The following PTPN22 variants were observed in gnomAD, a reference collection of about 807,000 sequenced individuals.
PTPN22 encodes the protein tyrosine-protein phosphatase non-receptor type 22.
In PTPN22, 85 loss-of-function variants were observed where a neutral mutation model predicts 103.3. The observed-to-expected ratio is 0.82, with a 90% confidence interval of 0.69 to 0.99. PTPN22 has a LOEUF of 0.99. Ranked by LOEUF, PTPN22 falls within the 50% of genes least tolerant of loss-of-function variation. The pLI is 0.00. For synonymous variants in PTPN22, 323 were observed against 310.2 expected (o/e 1.04, Z -0.43); for missense variants, 865 against 936.9 (o/e 0.92, Z 1.00).
Position 113,814,692 on chromosome 1 carries a change from T to C in PTPN22, c.*213A>G, listed in dbSNP as rs532296161. On this transcript the variant is annotated 3_prime_UTR_variant, in exon 21 of 21. Transcript: ENST00000359785. Reference sequence around the variant, plus strand: ...TGTACATAAGCTCAAGTGACAAACTTTTATTTGCAGTTTTCAACTCAATGC... The same window carrying C: ...TGTACATAAGCTCAAGTGACAAACTCTTATTTGCAGTTTTCAACTCAATGC... 1.2e-5 allele frequency: 6 copies of C among 519,628 alleles called. No homozygotes were observed. In the East Asian group the frequency reaches 1.7e-4, roughly 15 times the overall value. The allele number at this position is 519,628 out of a possible 1,614,324, so 32.2% of individuals were successfully genotyped here. A position where few individuals can be genotyped will look rare whatever the true frequency, so the allele number is the denominator to read the frequency against.
intron 1 of PTPN22, among the ~76,000 whole-genome samples, chr1:113,867,384 C>T (rs970549135): frequency 2.0e-5 from 3 of 152,100 alleles, no homozygotes; most frequent in African/African-American, 7.2e-5. Context: ...GCTGAGTGAG[C>T]TTAGGCCAAT....
chr1:113,838,652 C>T, intron 11 of PTPN22, 32 bp from the exon 12 acceptor site: 1 of 1,598,532 alleles, frequency 6.3e-7, no homozygotes. Flanking sequence ...GGCTGGTTTT[C>T]AGTGAAGCAA....
chr1:113,856,728 C>T (rs907149750), intron 5 of PTPN22, 109 bp from the exon 6 acceptor site: 108 of 1,434,390 alleles, frequency 7.5e-5, no homozygotes, highest in Non-Finnish European at 9.5e-5. Context: ...AGGTTAGGTG[C>T]GTCTAACCCC....
At chr1:113,837,970 T>A in exon 13 of PTPN22, 1 of 1,614,116 alleles carries the variant, frequency 6.2e-7, no homozygotes, top group Non-Finnish European at 8.5e-7. Context: ...ACAAGAATCA[T>A]GTGGTTGAGA....
intron 18 of PTPN22, among the ~76,000 whole-genome samples, chr1:113,828,618 T>C (rs17463292): frequency 0.16 from 23,640 of 152,138 alleles, 2,083 homozygotes; most frequent in East Asian, 0.23. Flanking sequence ...TATGTTTCTT[T>C]TTATACACTA....
In PTPN22 at chr1:113,843,930, G is replaced by C. The variant is rs371355903; in HGVS notation, c.915+4610C>G. On this transcript the variant is annotated intron_variant, in intron 11 of 20. Coordinates refer to ENST00000359785, the Ensembl canonical transcript of PTPN22. ...GAGTAAATTGTGGTAGATTGTGTTT[G>C]AGAAAATAATCCATTCTGGGCCGGG... Among the ~76,000 whole-genome samples the C allele has an allele frequency of 1.3e-4, 20 of 152,210 alleles. No homozygotes were observed. The East Asian group carries it at 1.7e-3, about 13-fold the overall frequency.
chr1:113,838,596 C>T (rs755206741), exon 12 of PTPN22: 7 of 1,613,566 alleles, frequency 4.3e-6, no homozygotes, highest in South Asian at 1.1e-5. Flanking sequence ...TGATTTTTCT[C>T]AGGAATACAA....
chr1:113,824,966 CAAAAAA>C (rs35424386), intron 19 of PTPN22, among the ~76,000 whole-genome samples, 170 bp downstream of exon 19: 6 of 65,162 alleles, frequency 9.2e-5, no homozygotes, highest in African/African-American at 2.3e-4. Flanking sequence ...TGAAGCCTAG[CAAAAAA>C]AAAAAAAAAA....
chr1:113,853,045 TC>T lies in PTPN22; in HGVS notation c.751-942del, dbSNP rs1368244555. Among the ~76,000 whole-genome samples the T allele has an allele frequency of 2.0e-5, 3 of 152,172 alleles. No homozygotes were observed. In the East Asian group the frequency reaches 5.8e-4, roughly 29 times the overall value. ...CCTCTGTCTCCCGGGTTCAAGCGATTCTCCTGCCTCAGCCTCCTGAGTAGCT... is the reference window on the plus strand; with the variant it reads ...CCTCTGTCTCCCGGGTTCAAGCGATTTCCTGCCTCAGCCTCCTGAGTAGCT... On this transcript the variant is annotated intron_variant, in intron 9 of 20. Transcript: ENST00000359785.
chr1:113,829,645 T>C (rs758254369), exon 18 of PTPN22: 2 of 1,611,080 alleles, frequency 1.2e-6, no homozygotes, highest in East Asian at 2.2e-5. Context: ...TTTGAAGATG[T>C]TGAATTTTCC....
chr1:113,842,671 CA>C (rs938228801), intron 11 of PTPN22, among the ~76,000 whole-genome samples: 6 of 150,766 alleles, frequency 4.0e-5, no homozygotes, highest in Non-Finnish European at 5.9e-5. Context: ...AGACTGTGCT[CA>C]AAAGACAAAC....
chr1:113,814,876 G>GC (rs1661035594), exon 21 of PTPN22: 1 of 1,497,460 alleles, frequency 6.7e-7, no homozygotes, highest in Non-Finnish European at 9.3e-7. Context: ...TGTACTTGCA[G>GC]CCCATATTAT....
chr1:113,826,126 C>T (rs1338005950), intron 18 of PTPN22, among the ~76,000 whole-genome samples: 1 of 151,932 alleles, frequency 6.6e-6, no homozygotes, highest in Non-Finnish European at 1.5e-5. Context: ...TGGGAGGTTC[C>T]CTTGAGGCCA....
At position 113,845,228 on chromosome 1, in the gene PTPN22, G is replaced by A. The variant is rs187205807; in HGVS notation, c.915+3312C>T. ...TTTTTTTTTTTTGAGACAGAGTCTC[G>A]CTTTGTTGGCCAGGCTGGAGTGCAG... On this transcript the variant is annotated intron_variant, in intron 11 of 20. Coordinates refer to ENST00000359785, the Ensembl canonical transcript of PTPN22. Among the ~76,000 whole-genome samples, 188 of 147,124 alleles carry A rather than the reference G, an allele frequency of 1.3e-3. 1 individual carries two copies. Among genetic ancestry groups the A allele is most frequent in the African/African-American group, 4.5e-3 (178 of 39,958 alleles).
chr1:113,825,637 G>C (rs1661982518), intron 18 of PTPN22, among the ~76,000 whole-genome samples: 1 of 152,158 alleles, frequency 6.6e-6, no homozygotes, highest in African/African-American at 2.4e-5. Context: ...AGTGAGCTCT[G>C]ATCCCACCAC....
intron 11 of PTPN22, among the ~76,000 whole-genome samples, chr1:113,843,107 A>AAAAAAAAAAAAG (rs1377864693): frequency 2.0e-5 from 3 of 146,932 alleles, no homozygotes; most frequent in South Asian, 4.4e-4. Flanking sequence ...CTCAAAAAAA[A>AAAAAAAAAAAAG]AAAAAAAGAA....
exon 21 of PTPN22, chr1:113,814,898 AG>A: frequency 6.3e-7 from 1 of 1,588,320 alleles, no homozygotes; most frequent in Non-Finnish European, 8.6e-7. Context: ...ATAAATCTGG[AG>A]TTTTATTAAA....
intron 1 of PTPN22, among the ~76,000 whole-genome samples, chr1:113,862,676 G>T (rs956081432): frequency 6.6e-6 from 1 of 152,174 alleles, no homozygotes; most frequent in South Asian, 2.1e-4. Context: ...ACATTTTAGG[G>T]AGAGGAAAAT....
intron 16 of PTPN22, among the ~76,000 whole-genome samples, chr1:113,830,589 C>A (rs1662465977): frequency 6.6e-6 from 1 of 152,032 alleles, no homozygotes; most frequent in South Asian, 2.1e-4. Flanking sequence ...TTTGAATAAA[C>A]CAACTGTAAA....
Sources: allele counts gnomAD v4.1 joint callset (sites outside exome capture counted in the v4.1 genomes callset), GRCh38; gene constraint gnomAD v4.1.1; transcripts MANE v1.5; gene names NCBI Gene and HGNC (gene_info 2026-07-23, HGNC 2026-07-21).